The following CAMTA1 variants were observed in gnomAD, a reference collection of about 807,000 sequenced individuals.
The protein encoded by CAMTA1 is calmodulin binding transcription activator 1, also known as calmodulin-binding transcription activator 1.
A neutral mutation model predicts 170.9 loss-of-function variants in CAMTA1; 27 were observed. That is an observed-to-expected ratio of 0.16 (90% CI 0.12 to 0.22). CAMTA1 has a LOEUF of 0.22. CAMTA1 is among the 10% of genes least tolerant of loss of function. CAMTA1 has a pLI of 1.00. For synonymous variants in CAMTA1, 833 were observed against 891.5 expected, an observed-to-expected ratio of 0.93 and a Z score of 1.17; for missense variants, 1,619 against 2,217.2, an observed-to-expected ratio of 0.73 and a Z score of 5.42.
intron 3 of CAMTA1, among the ~76,000 whole-genome samples, chr1:7,002,980 G>A (rs1453049282): frequency 6.9e-6 from 1 of 145,686 alleles, no homozygotes; most frequent in African/African-American, 2.8e-5. Context: ...ACATGGTAAA[G>A]AGCATGGTAA....
intron 5 of CAMTA1, among the ~76,000 whole-genome samples, chr1:7,376,009 C>T (rs964510631): frequency 9.9e-5 from 15 of 152,196 alleles, no homozygotes; most frequent in African/African-American, 3.1e-4. Flanking sequence ...AGCTGCCTCA[C>T]CAGCTCGCTT....
intron 4 of CAMTA1, among the ~76,000 whole-genome samples, chr1:7,148,286 A>G (rs536197468): frequency 3.3e-5 from 5 of 151,994 alleles, no homozygotes; most frequent in African/African-American, 1.2e-4. Flanking sequence ...CACCAAGCAC[A>G]TGCATACACA....
intron 4 of CAMTA1, among the ~76,000 whole-genome samples, chr1:7,102,927 A>G (rs544903341): frequency 8.0e-4 from 122 of 152,214 alleles, no homozygotes; most frequent in African/African-American, 2.4e-3. Flanking sequence ...CTCGGTGAAT[A>G]CCTTCCGACT....
At chr1:7,480,195 GCA>G (rs2093495828) in intron 6 of CAMTA1, among the ~76,000 whole-genome samples, 1 of 117,668 alleles carries the variant, frequency 8.5e-6, no homozygotes, top group Non-Finnish European at 1.7e-5. Context: ...GCATGTGTGT[GCA>G]TGTGTGTGAG....
rs148640449 is a variant in CAMTA1 at position 7,719,041 on chromosome 1, C to T, written c.2915-13407C>T. Among the ~76,000 whole-genome samples, 728 of 152,158 alleles carry T rather than the reference C, an allele frequency of 4.8e-3. 2 individuals are homozygous for T. In the Middle Eastern group the frequency reaches 0.068, roughly 14 times the overall value. On this transcript the variant is annotated intron_variant, in intron 11 of 22. Coordinates refer to ENST00000303635, the MANE Select transcript of CAMTA1 (RefSeq NM_015215.4). ...ACTTGTTGCTTTCTGCAAAGTTAGC[C>T]GACTTTAAGATGTTCTCCTCTTTTG...
chr1:7,705,233 G>C (rs1400746116), intron 11 of CAMTA1, among the ~76,000 whole-genome samples: 1 of 151,400 alleles, frequency 6.6e-6, no homozygotes, highest in Non-Finnish European at 1.5e-5. Context: ...GCAAGGGTGA[G>C]GGGCTGCAGG....
At chr1:6,955,686 C>T (rs746540709) in intron 3 of CAMTA1, among the ~76,000 whole-genome samples, 33 of 152,116 alleles carry the variant, frequency 2.2e-4, no homozygotes, top group Non-Finnish European at 1.3e-4. Context: ...TCCCTAGCTC[C>T]GTGCCTGGTA....
rs1646191904 is a variant in CAMTA1 at position 7,146,504 on chromosome 1, T to C, written c.302+55133T>C. Among the ~76,000 whole-genome samples the C allele has an allele frequency of 6.6e-6, 1 of 152,164 alleles. No individual in the cohort carries two copies. Among genetic ancestry groups the C allele is most frequent in the Non-Finnish European group, 1.5e-5 (1 of 68,024 alleles). The stretch of plus-strand genomic sequence containing the variant: ...TTTGCTGAGAACCAGTTAGGTGAAT[T>C]CTGTGCTGGTGGACACTGCCGCCCA... On this transcript the variant is annotated intron_variant, in intron 4 of 22. Coordinates refer to ENST00000303635, the MANE Select transcript of CAMTA1 (RefSeq NM_015215.4). The surrounding 1 kb of genome is among the most constrained non-coding windows in gnomAD (Gnocchi z 4.3).
chr1:6,834,240 T>A (rs911080585), intron 3 of CAMTA1: 1 of 150,982 alleles, frequency 6.6e-6, no homozygotes. Flanking sequence ...ATTTATAAAT[T>A]TAAAAATTTA....
intron 5 of CAMTA1, among the ~76,000 whole-genome samples, chr1:7,412,356 C>T (rs976716617): frequency 2.6e-5 from 4 of 151,590 alleles, no homozygotes; most frequent in Non-Finnish European, 4.4e-5. Context: ...AATGGTTGAA[C>T]TAGTTTACAG....
At chr1:7,488,327 G>A (rs535785942) in intron 6 of CAMTA1, among the ~76,000 whole-genome samples, 1 of 152,216 alleles carries the variant, frequency 6.6e-6, no homozygotes, top group Admixed American at 6.5e-5. Context: ...GGAGTGGCCA[G>A]GGATGGCTCC....
intron 3 of CAMTA1, among the ~76,000 whole-genome samples, chr1:6,939,366 GTGCATTTCATAATTA>G (rs1686019746): frequency 6.6e-6 from 1 of 152,196 alleles, no homozygotes; most frequent in African/African-American, 2.4e-5. Flanking sequence ...ATTATGGGTT[GTGCATTTCATAATTA>G]TCATATGGCC....
At chr1:7,480,345 G>A (rs938432705) in intron 6 of CAMTA1, among the ~76,000 whole-genome samples, 12 of 151,408 alleles carry the variant, frequency 7.9e-5, no homozygotes, top group African/African-American at 2.9e-4. Context: ...ATGTATATGT[G>A]CATGTGTGTG....
At chr1:6,961,804 A>AT (rs1690458927) in intron 3 of CAMTA1, among the ~76,000 whole-genome samples, 1 of 152,198 alleles carries the variant, frequency 6.6e-6, no homozygotes. Context: ...GACTAGACTG[A>AT]TTCTTTCTCA....
rs1404222781 is a variant in CAMTA1, at chr1:7,609,506, C to G, written c.511-30894C>G. Among the ~76,000 whole-genome samples the G allele has an allele frequency of 6.6e-6, 1 of 152,162 alleles. No individual in the cohort carries two copies. ...GCAAGCCCTGGCCCCAGCCTCCAGG[C>G]CCCCAGGGATGCTCAGGGCCTGCCA... On this transcript the variant is annotated intron_variant, in intron 6 of 22. Coordinates refer to ENST00000303635, the MANE Select transcript of CAMTA1 (RefSeq NM_015215.4). The surrounding 1 kb of genome is among the most constrained non-coding windows in gnomAD (Gnocchi z 4.4).
rs547770996 is a variant in CAMTA1 at position 7,435,994 on chromosome 1, G to A, written c.439-31836G>A. On this transcript the variant is annotated intron_variant, in intron 5 of 22. Coordinates refer to ENST00000303635, the MANE Select transcript of CAMTA1 (RefSeq NM_015215.4). This position sits in a 1 kb window ranked among gnomAD's most constrained non-coding sequence, Gnocchi z 4.4. ...CCCATGCCACCACCCTGAGCTTGCAGCAGAGAACCAGCCCAATTTGCAAGC... is the reference window on the plus strand; with the variant it reads ...CCCATGCCACCACCCTGAGCTTGCAACAGAGAACCAGCCCAATTTGCAAGC... Among the ~76,000 whole-genome samples, 6 of 152,348 alleles carry A rather than the reference G, an allele frequency of 3.9e-5. No individual in the cohort carries two copies. In the East Asian group the frequency reaches 1.2e-3, roughly 29 times the overall value.
At position 6,887,746 on chromosome 1, in the gene CAMTA1, C is replaced by T; in HGVS notation, c.234+62536C>T. 3 of 1,534,958 alleles carry T rather than the reference C, an allele frequency of 2.0e-6. No individual in the cohort carries two copies. The highest frequency in any genetic ancestry group is 2.6e-6 in the Non-Finnish European group (3 of 1,146,406). Reference sequence around the variant, plus strand: ...GCTGACACATTGGAATGAAAGCTGGCAGAATTCGTAGGGAGAGCTTTCCCA... The same window carrying T: ...GCTGACACATTGGAATGAAAGCTGGTAGAATTCGTAGGGAGAGCTTTCCCA... On this transcript the variant is annotated intron_variant, in intron 3 of 22. Coordinates refer to ENST00000303635, the MANE Select transcript of CAMTA1 (RefSeq NM_015215.4). This position sits in a 1 kb window ranked among gnomAD's most constrained non-coding sequence, Gnocchi z 4.1.
At chr1:7,589,930 A>G (rs1277960496) in intron 6 of CAMTA1, among the ~76,000 whole-genome samples, 1 of 152,064 alleles carries the variant, frequency 6.6e-6, no homozygotes, top group African/African-American at 2.4e-5. Context: ...CTCTTGTTTG[A>G]TCAGCCTCCC....
chr1:7,702,826 C>T (rs1385511505), intron 11 of CAMTA1, among the ~76,000 whole-genome samples: 1 of 152,168 alleles, frequency 6.6e-6, no homozygotes, highest in Non-Finnish European at 1.5e-5. Context: ...CACCCCAACC[C>T]CAGCCTCCAG....
Sources: allele counts gnomAD v4.1 joint callset (sites outside exome capture counted in the v4.1 genomes callset), GRCh38; gene constraint gnomAD v4.1.1; non-coding constraint Gnocchi (gnomAD v3.1); transcripts MANE v1.5; gene names NCBI Gene and HGNC (gene_info 2026-07-23, HGNC 2026-07-21).